Variants in STXBP5L observed in about 807,000 individuals in gnomAD.
STXBP5L encodes syntaxin-binding protein 5-like.
In STXBP5L, 65 loss-of-function variants were observed where a neutral mutation model predicts 144.5. The observed-to-expected ratio is 0.45, with a 90% CI of 0.37 to 0.55. The LOEUF is 0.55. Among genes scored for constraint, STXBP5L ranks in the 20% least tolerant of loss-of-function variants. The probability of loss-of-function intolerance (pLI) is 0.00; values close to 1 mark genes in which losing one functional copy is unlikely to be tolerated. For synonymous variants in STXBP5L, 505 were observed against 469.6 expected (o/e 1.08, Z -0.97); for missense variants, 1,298 against 1,405.5 (o/e 0.92, Z 1.22).
intron 22 of STXBP5L, among the ~76,000 whole-genome samples, chr3:121,401,894 TA>T (rs71133532): frequency 0.66 from 90,797 of 137,554 alleles, 29,448 homozygotes; most frequent in East Asian, 0.87. Flanking sequence ...TAGAGTATAA[TA>T]AAAAAAAAAA....
chr3:121,389,595 C>T (rs889108573), intron 22 of STXBP5L, among the ~76,000 whole-genome samples: 3 of 152,184 alleles, frequency 2.0e-5, no homozygotes, highest in Non-Finnish European at 4.4e-5. Flanking sequence ...TCTTTGTTCT[C>T]ATTGGTTTCA....
chr3:121,333,942 C>T (rs530443946), intron 20 of STXBP5L, among the ~76,000 whole-genome samples: 13 of 151,964 alleles, frequency 8.6e-5, no homozygotes, highest in Non-Finnish European at 1.9e-4. Context: ...ATTGTATCTC[C>T]CATAATTCCC....
rs1002304592 is a variant in STXBP5L at position 121,422,462 on chromosome 3, G to C, written c.*3365G>C. 1 of 152,108 alleles carries C rather than the reference G, an allele frequency of 6.6e-6. No individual in the cohort carries two copies. The highest frequency in any genetic ancestry group is 2.4e-5 in the African/African-American group (1 of 41,400). 9.4% of individuals were successfully genotyped at this position (152,108 alleles called of 1,614,324 possible). On this transcript the variant is annotated 3_prime_UTR_variant, in exon 27 of 27. Coordinates refer to ENST00000471454, the MANE Select transcript of STXBP5L (RefSeq NM_001308330.2). ...ATTTATTCATCTGTGAGAAGCTAGA[G>C]GTATTTGTTTCCCTGATAATAACGT... is the stretch of plus-strand genomic sequence containing the variant.
At chr3:121,040,630 T>C (rs1377677556) in intron 3 of STXBP5L, among the ~76,000 whole-genome samples, 2 of 152,054 alleles carry the variant, frequency 1.3e-5, no homozygotes, top group Non-Finnish European at 2.9e-5. Context: ...TCTTCTTTGC[T>C]ACTCAACCCT....
In STXBP5L at chr3:121,420,371, GTTTAATGATACAAAATCAATGC is replaced by G. The variant is rs2047328956; in HGVS notation, c.*1278_*1299del. 6.7e-6 allele frequency: 1 copy of G among 149,272 alleles called. No homozygotes were observed. The highest frequency in any genetic ancestry group is 1.5e-5 in the Non-Finnish European group (1 of 66,432). 9.2% of individuals were successfully genotyped at this position (149,272 alleles called of 1,614,324 possible). A position where few individuals can be genotyped will look rare whatever the true frequency, so the allele number is the denominator to read the frequency against. ...TATAGACAATAGAAATACATAAAGA[GTTTAATGATACAAAATCAATGC>G]TTTTGTCCCTAGGTCAAATAATATA... is the stretch of plus-strand genomic sequence containing the variant. On this transcript the variant is annotated 3_prime_UTR_variant, in exon 27 of 27. Transcript: ENST00000471454.
chr3:121,111,956 A>T (rs1264168360), intron 5 of STXBP5L, among the ~76,000 whole-genome samples: 1 of 152,140 alleles, frequency 6.6e-6, no homozygotes, highest in African/African-American at 2.4e-5. Context: ...AGAGGCCCCC[A>T]TCCAGTGAGG....
chr3:121,153,182 T>C (rs1221041409), intron 8 of STXBP5L, among the ~76,000 whole-genome samples: 2 of 152,082 alleles, frequency 1.3e-5, no homozygotes, highest in African/African-American at 2.4e-5. Context: ...AGCAACAAAC[T>C]CCTATTCATC....
At chr3:121,285,426 C>A (rs867638893) in intron 19 of STXBP5L, among the ~76,000 whole-genome samples, 4 of 151,946 alleles carry the variant, frequency 2.6e-5, no homozygotes, top group South Asian at 4.2e-4. Context: ...CATTGGAAAC[C>A]AAGTCCGTTA....
chr3:121,043,159 T>C (rs925375221), intron 4 of STXBP5L, among the ~76,000 whole-genome samples: 1 of 152,118 alleles, frequency 6.6e-6, no homozygotes, highest in Admixed American at 6.6e-5. Flanking sequence ...CTACTCGCCC[T>C]ATGTACCTCA....
chr3:121,259,867 C>T (rs1408963772), intron 18 of STXBP5L, among the ~76,000 whole-genome samples: 2 of 151,446 alleles, frequency 1.3e-5, no homozygotes, highest in African/African-American at 4.8e-5. Flanking sequence ...TGATACTTTC[C>T]TCCAGAAAGT....
At chr3:121,132,225 C>T (rs2045024374) in intron 7 of STXBP5L, among the ~76,000 whole-genome samples, 1 of 152,170 alleles carries the variant, frequency 6.6e-6, no homozygotes. Context: ...GATGAAAAAT[C>T]CCAGCTCTCA....
intron 3 of STXBP5L, among the ~76,000 whole-genome samples, chr3:121,010,884 G>GT (rs954024550): frequency 1.3e-5 from 2 of 151,550 alleles, no homozygotes; most frequent in Non-Finnish European, 2.9e-5. Flanking sequence ...AAGAGAAGGG[G>GT]TTTGTCTTGC....
chr3:121,343,460 C>T (rs2108589363), intron 20 of STXBP5L, among the ~76,000 whole-genome samples: 1 of 152,232 alleles, frequency 6.6e-6, no homozygotes, highest in Middle Eastern at 3.4e-3. Context: ...GTCAAATTAT[C>T]CCTGTTTGCA....
chr3:121,331,019 C>A (rs544648040), intron 20 of STXBP5L, among the ~76,000 whole-genome samples: 1 of 152,184 alleles, frequency 6.6e-6, no homozygotes, highest in Non-Finnish European at 1.5e-5. Flanking sequence ...CATCCTGAAG[C>A]GTGGCAGCCC....
At chr3:121,218,756 G>A (rs1375764812) in intron 10 of STXBP5L, among the ~76,000 whole-genome samples, 1 of 152,126 alleles carries the variant, frequency 6.6e-6, no homozygotes, top group Non-Finnish European at 1.5e-5. Context: ...TCAAGTTAAG[G>A]CAGTGTAAAG....
intron 20 of STXBP5L, among the ~76,000 whole-genome samples, chr3:121,326,097 C>T (rs769195160): frequency 1.1e-4 from 17 of 151,774 alleles, no homozygotes; most frequent in East Asian, 9.6e-4. Flanking sequence ...TTATAATCAT[C>T]GAACAACTAT....
chr3:121,045,639 T>A, intron 5 of STXBP5L, 104 bp downstream of exon 5: 1 of 972,126 alleles, frequency 1.0e-6, no homozygotes, highest in Non-Finnish European at 1.5e-6. Context: ...TCTCAACAGC[T>A]AGAAATAATT....
intron 2 of STXBP5L, among the ~76,000 whole-genome samples, chr3:120,954,257 A>C (rs1937773956): frequency 6.6e-6 from 1 of 152,146 alleles, no homozygotes; most frequent in Admixed American, 6.6e-5. Flanking sequence ...GAGAAATCAC[A>C]AATTTTATTG....
intron 19 of STXBP5L, among the ~76,000 whole-genome samples, chr3:121,311,432 GTTAAA>G (rs1414187705): frequency 1.4e-4 from 21 of 152,172 alleles, no homozygotes; most frequent in Non-Finnish European, 2.2e-4. Context: ...ATGGAGGAAT[GTTAAA>G]TTAAAAGTGT....
Sources: allele counts gnomAD v4.1 joint callset (sites outside exome capture counted in the v4.1 genomes callset), GRCh38; gene constraint gnomAD v4.1.1; transcripts MANE v1.5; gene names NCBI Gene and HGNC (gene_info 2026-07-23, HGNC 2026-07-21).